Variants in SGCD observed in about 807,000 individuals in gnomAD.
SGCD encodes delta-sarcoglycan.
In SGCD, 18 loss-of-function variants were observed where a neutral mutation model predicts 36.6. The ratio of observed to expected loss-of-function variants is 0.49; its 90% confidence interval spans 0.34 to 0.73. SGCD has a LOEUF of 0.73. Ranked by LOEUF, SGCD falls within the 30% of genes least tolerant of loss-of-function variation. The probability of loss-of-function intolerance (pLI) is 0.01; values close to 1 mark genes in which losing one functional copy is unlikely to be tolerated. For synonymous variants in SGCD, 133 were observed against 130.6 expected, an observed-to-expected ratio of 1.02 and a Z score of -0.12; for missense variants, 387 against 346.7, an observed-to-expected ratio of 1.12 and a Z score of -0.92.
the SGCD span, among the ~76,000 whole-genome samples, chr5:155,767,370 G>A: frequency 4.6e-5 from 7 of 152,198 alleles, no homozygotes; most frequent in African/African-American, 1.4e-4. Context: ...TTCTCACCCA[G>A]TGAGGCCCAT....
At chr5:155,874,388 T>C (rs1299971876) in intron 1 of SGCD, among the ~76,000 whole-genome samples, 1 of 152,110 alleles carries the variant, frequency 6.6e-6, no homozygotes, top group Non-Finnish European at 1.5e-5. Context: ...TGTCAAAGAC[T>C]TTAAAATATG....
intron 3 of SGCD, among the ~76,000 whole-genome samples, chr5:156,295,159 T>C (rs184441006): frequency 4.1e-4 from 62 of 152,278 alleles, no homozygotes; most frequent in Admixed American, 8.5e-4. Flanking sequence ...TCACTAGTTA[T>C]ATGTCTATTC....
At chr5:156,479,710 C>T (rs565387335) in intron 3 of SGCD, among the ~76,000 whole-genome samples, 13 of 152,200 alleles carry the variant, frequency 8.5e-5, no homozygotes, top group Non-Finnish European at 1.5e-4. Context: ...ACTTAGGAAA[C>T]AGGCCTGGCT....
At chr5:156,285,433 GCT>G (rs1476957551) in intron 3 of SGCD, among the ~76,000 whole-genome samples, 1 of 152,118 alleles carries the variant, frequency 6.6e-6, no homozygotes, top group East Asian at 1.9e-4. Context: ...ATACTACACG[GCT>G]ACAGTAACCA....
intron 1 of SGCD, among the ~76,000 whole-genome samples, chr5:156,048,479 C>A (rs1243292686): frequency 6.6e-6 from 1 of 152,216 alleles, no homozygotes; most frequent in Non-Finnish European, 1.5e-5. Context: ...TCCTCTCCAG[C>A]ACCTGTTGTT....
chr5:156,437,696 T>G (rs1753302416), intron 3 of SGCD, among the ~76,000 whole-genome samples: 1 of 151,756 alleles, frequency 6.6e-6, no homozygotes, highest in Non-Finnish European at 1.5e-5. Context: ...CAAAGGGGAG[T>G]CACAATTTGA....
intron 7 of SGCD, among the ~76,000 whole-genome samples, chr5:156,673,131 AGT>A (rs1753369986): frequency 6.6e-6 from 1 of 152,148 alleles, no homozygotes; most frequent in African/African-American, 2.4e-5. Flanking sequence ...TCCCCTCAAA[AGT>A]GTGTGTTCAG....
chr5:155,909,869 G>A (rs1756595851), intron 1 of SGCD, among the ~76,000 whole-genome samples: 1 of 151,886 alleles, frequency 6.6e-6, no homozygotes, highest in Non-Finnish European at 1.5e-5. Context: ...GAGAATTCAA[G>A]ATAACATCTT....
intron 7 of SGCD, among the ~76,000 whole-genome samples, chr5:156,700,855 A>G (rs912963721): frequency 6.6e-6 from 1 of 150,654 alleles, no homozygotes; most frequent in Non-Finnish European, 1.5e-5. Flanking sequence ...AGGCAGAAAG[A>G]TCGCTTGAGC....
intron 3 of SGCD, among the ~76,000 whole-genome samples, chr5:156,264,373 T>G (rs1293272794): frequency 6.6e-6 from 1 of 152,108 alleles, no homozygotes; most frequent in Admixed American, 6.6e-5. Context: ...GAAACTAAAT[T>G]GTCTGTTAGC....
intron 7 of SGCD, among the ~76,000 whole-genome samples, chr5:156,753,615 T>C (rs1317936184): frequency 1.3e-5 from 2 of 152,178 alleles, no homozygotes; most frequent in Non-Finnish European, 2.9e-5. Context: ...CAGTTCCCCA[T>C]GGCTGGGGAG....
At chr5:156,299,973 A>T (rs1242757725) in intron 3 of SGCD, among the ~76,000 whole-genome samples, 1 of 151,998 alleles carries the variant, frequency 6.6e-6, no homozygotes, top group African/African-American at 2.4e-5. Flanking sequence ...ACCATGTTGA[A>T]TAACAGTGGT....
chr5:156,533,336 T>A (rs1280286762), intron 4 of SGCD, among the ~76,000 whole-genome samples: 1 of 152,168 alleles, frequency 6.6e-6, no homozygotes, highest in Non-Finnish European at 1.5e-5. Flanking sequence ...TTTGTTAGAA[T>A]TGCATTACAG....
At chr5:156,477,649 G>T (rs1387904563) in intron 3 of SGCD, among the ~76,000 whole-genome samples, 8 of 127,308 alleles carry the variant, frequency 6.3e-5, no homozygotes, top group African/African-American at 2.5e-4. Flanking sequence ...AATCATCCTG[G>T]TTTTTTATAG....
intron 3 of SGCD, among the ~76,000 whole-genome samples, chr5:156,257,245 C>T (rs1012763321): frequency 1.3e-5 from 2 of 152,012 alleles, no homozygotes; most frequent in Non-Finnish European, 2.9e-5. Flanking sequence ...GAGGCCGAGG[C>T]GGGCGGATCA....
chr5:156,094,645 G>A (rs1302352781), intron 1 of SGCD, among the ~76,000 whole-genome samples: 1 of 152,156 alleles, frequency 6.6e-6, no homozygotes, highest in Non-Finnish European at 1.5e-5. Context: ...TGGGCTCATA[G>A]CTGTAAGCCC....
chr5:156,744,017 C>A (rs1399605047), intron 7 of SGCD, among the ~76,000 whole-genome samples: 1 of 152,134 alleles, frequency 6.6e-6, no homozygotes, highest in Non-Finnish European at 1.5e-5. Context: ...CAAGCCAAAG[C>A]AGGCAGTTAA....
the SGCD span, among the ~76,000 whole-genome samples, chr5:155,777,625 G>A: frequency 6.6e-6 from 1 of 152,092 alleles, no homozygotes; most frequent in East Asian, 1.9e-4. Flanking sequence ...TGAAGTGCTG[G>A]GATTACAGTT....
In SGCD at chr5:156,060,123, T is replaced by C. The variant is rs1029009705; in HGVS notation, c.-281-57755T>C. On this transcript the variant is annotated intron_variant, in intron 1 of 9. Coordinates refer to the SGCD transcript ENST00000517913. ...TAACCTGCATTTTTTGTTCAGACTA[T>C]TTCAAAGGAGTTTTAGAACCCCAAT... Among the ~76,000 whole-genome samples the C allele has an allele frequency of 2.0e-5, 3 of 146,736 alleles. 1 individual carries two copies. The highest frequency in any genetic ancestry group is 4.6e-5 in the Non-Finnish European group (3 of 65,134).
Sources: allele counts gnomAD v4.1 joint callset (sites outside exome capture counted in the v4.1 genomes callset), GRCh38; gene constraint gnomAD v4.1.1; transcripts MANE v1.5; gene names NCBI Gene and HGNC (gene_info 2026-07-23, HGNC 2026-07-21).